Variants in GPC6 observed in about 807,000 individuals in gnomAD.
GPC6 encodes the protein glypican 6, also known as glypican-6.
In GPC6, 14 loss-of-function variants were observed where a neutral mutation model predicts 55.2. That is an observed-to-expected ratio of 0.25 (90% CI 0.17 to 0.40). GPC6 has a LOEUF of 0.40. GPC6 is among the 10% of genes least tolerant of loss of function. The pLI, the probability that GPC6 is intolerant of heterozygous loss-of-function variation, is 1.00. For missense variants in GPC6, 641 were observed against 708.5 expected (o/e 0.90, Z 1.08); for synonymous variants, 278 against 259.6 (o/e 1.07, Z -0.68).
At chr13:93,233,827 G>C (rs911185075) in intron 1 of GPC6, among the ~76,000 whole-genome samples, 6 of 152,090 alleles carry the variant, frequency 3.9e-5, no homozygotes, top group Non-Finnish European at 7.4e-5. Context: ...GGAGAAGGGG[G>C]CCCAAAGGTC....
chr13:94,324,813 G>A (rs541345461), intron 6 of GPC6, among the ~76,000 whole-genome samples: 45 of 152,022 alleles, frequency 3.0e-4, no homozygotes, highest in African/African-American at 8.9e-4. Context: ...GCCTATAGTC[G>A]TTCACCAAAT....
At chr13:94,077,320 T>C (rs1481051327) in intron 4 of GPC6, among the ~76,000 whole-genome samples, 1 of 151,920 alleles carries the variant, frequency 6.6e-6, no homozygotes, top group Non-Finnish European at 1.5e-5. Context: ...TTTTTTAATG[T>C]TGATTTTGTA....
intron 1 of GPC6, among the ~76,000 whole-genome samples, chr13:93,482,747 T>C (rs1879566124): frequency 6.6e-6 from 1 of 152,174 alleles, no homozygotes; most frequent in South Asian, 2.1e-4. Flanking sequence ...TTTTCCTTTT[T>C]GTTACAGGAA....
At chr13:93,765,261 C>CTGTCTGGAAAGACAACTTTCCAGATAAGG in intron 2 of GPC6, among the ~76,000 whole-genome samples, 1 of 78,364 alleles carries the variant, frequency 1.3e-5, no homozygotes, top group Non-Finnish European at 3.7e-5. Flanking sequence ...TCCAGATAAG[C>CTGTCTGGAAAGACAACTTTCCAGATAAGG]TGTCTGGAAA....
chr13:93,853,053 A>G (rs1888462476), intron 3 of GPC6, among the ~76,000 whole-genome samples: 2 of 151,780 alleles, frequency 1.3e-5, no homozygotes, highest in African/African-American at 4.8e-5. Flanking sequence ...TACAGAAGAA[A>G]TGTGATGAAC....
At chr13:93,552,459 TCC>T (rs1334908928) in intron 2 of GPC6, among the ~76,000 whole-genome samples, 4 of 149,044 alleles carry the variant, frequency 2.7e-5, no homozygotes, top group African/African-American at 1.0e-4. Flanking sequence ...CTCCTCCTCC[TCC>T]TCCTTTCTCT....
chr13:93,519,610 A>G (rs1881331202), intron 1 of GPC6, among the ~76,000 whole-genome samples: 2 of 151,936 alleles, frequency 1.3e-5, no homozygotes, highest in African/African-American at 4.8e-5. Context: ...AACACTCACC[A>G]AAGCACATCT....
At chr13:93,557,294 G>T (rs1014909730) in intron 2 of GPC6, among the ~76,000 whole-genome samples, 4 of 151,822 alleles carry the variant, frequency 2.6e-5, no homozygotes, top group South Asian at 4.1e-4. Context: ...GTACAACTTC[G>T]GACTGCTTTT....
chr13:93,759,040 C>T (rs1884871117), intron 2 of GPC6, among the ~76,000 whole-genome samples: 1 of 152,100 alleles, frequency 6.6e-6, no homozygotes, highest in Non-Finnish European at 1.5e-5. Flanking sequence ...AACCACTCCT[C>T]TGAATTTAAC....
chr13:94,069,735 A>G (rs1884659539), intron 4 of GPC6, among the ~76,000 whole-genome samples: 1 of 152,188 alleles, frequency 6.6e-6, no homozygotes, highest in Non-Finnish European at 1.5e-5. Context: ...TTTTGCTAAA[A>G]CATAACAAAA....
chr13:93,751,651 A>G (rs561265527), intron 2 of GPC6, among the ~76,000 whole-genome samples: 9 of 152,096 alleles, frequency 5.9e-5, no homozygotes, highest in African/African-American at 2.2e-4. Flanking sequence ...CCTCCCAAGT[A>G]GCTGAGACTA....
intron 1 of GPC6, among the ~76,000 whole-genome samples, chr13:93,345,188 C>T (rs1033880767): frequency 5.3e-5 from 8 of 151,962 alleles, no homozygotes; most frequent in African/African-American, 1.9e-4. Context: ...AGCTCCTTGC[C>T]TTATCAGTCT....
chr13:93,676,967 A>G (rs1313114079), intron 2 of GPC6, among the ~76,000 whole-genome samples: 1 of 152,136 alleles, frequency 6.6e-6, no homozygotes, highest in Non-Finnish European at 1.5e-5. Context: ...TTAATATGCA[A>G]GCAGAGAAGA....
chr13:93,784,330 C>G (rs567398564), intron 2 of GPC6, among the ~76,000 whole-genome samples: 19 of 152,298 alleles, frequency 1.2e-4, no homozygotes, highest in African/African-American at 4.6e-4. Flanking sequence ...ATCAGAACAA[C>G]CTGCACAGAT....
At chr13:93,927,837 T>C (rs1877942315) in intron 3 of GPC6, among the ~76,000 whole-genome samples, 1 of 152,170 alleles carries the variant, frequency 6.6e-6, no homozygotes, top group African/African-American at 2.4e-5. Flanking sequence ...TCTAAAACCA[T>C]TAGCATATTT....
At chr13:93,349,550 C>T (rs375114441) in intron 1 of GPC6, among the ~76,000 whole-genome samples, 63 of 152,126 alleles carry the variant, frequency 4.1e-4, no homozygotes, top group African/African-American at 1.3e-3. Flanking sequence ...CTGATACATC[C>T]GATCTGGAGA....
intron 1 of GPC6, among the ~76,000 whole-genome samples, chr13:93,479,615 C>CA (rs143635721): frequency 1.3e-5 from 2 of 151,598 alleles, no homozygotes; most frequent in African/African-American, 4.9e-5. Context: ...GAGACCCCCC[C>CA]CCATCTCTAC....
At chr13:94,289,491 A>G (rs1258987652) in intron 5 of GPC6, among the ~76,000 whole-genome samples, 1 of 152,202 alleles carries the variant, frequency 6.6e-6, no homozygotes, top group Non-Finnish European at 1.5e-5. Context: ...CATAGTCTAC[A>G]TACATGGAAT....
chr13:94,092,099 T>TCACCTCACAA (rs1487211025), intron 4 of GPC6, among the ~76,000 whole-genome samples: 5 of 133,914 alleles, frequency 3.7e-5, no homozygotes, highest in Admixed American at 1.6e-4. Context: ...TCACCTCACA[T>TCACCTCACAA]AGTTACCTGT....
Sources: gnomAD v4.1 joint callset for allele counts (sites outside exome capture counted in the v4.1 genomes callset) on GRCh38, gnomAD v4.1.1 for gene constraint, MANE v1.5 for transcripts, NCBI Gene and HGNC (gene_info 2026-07-23, HGNC 2026-07-21) for gene names.